Variants in AUTS2 observed in about 807,000 individuals in gnomAD.
AUTS2 encodes activator of transcription and developmental regulator AUTS2.
A neutral mutation model predicts 112.4 loss-of-function variants in AUTS2; 17 were observed. The ratio of observed to expected loss-of-function variants is 0.15; its 90% CI spans 0.10 to 0.23. AUTS2 has a LOEUF of 0.23. Ranked by LOEUF, AUTS2 falls within the 10% of genes least tolerant of loss-of-function variation. The pLI is 1.00. For synonymous variants in AUTS2, 751 were observed against 702.7 expected (o/e 1.07, Z -1.09); for missense variants, 1,510 against 1,701.6 (o/e 0.89, Z 1.98).
intron 5 of AUTS2, among the ~76,000 whole-genome samples, chr7:70,563,010 T>A (rs912025180): frequency 5.3e-5 from 8 of 152,154 alleles, no homozygotes; most frequent in African/African-American, 1.9e-4. Flanking sequence ...CTTTGTGGGA[T>A]CTTTAAGGGT....
At chr7:70,588,650 C>T (rs1446451539) in intron 5 of AUTS2, among the ~76,000 whole-genome samples, 3 of 152,140 alleles carry the variant, frequency 2.0e-5, no homozygotes, top group African/African-American at 7.2e-5. Flanking sequence ...TGCCTTTCAA[C>T]AAGACTGAAT....
At chr7:70,568,625 C>T (rs1801806684) in intron 5 of AUTS2, among the ~76,000 whole-genome samples, 2 of 152,342 alleles carry the variant, frequency 1.3e-5, no homozygotes, top group Non-Finnish European at 2.9e-5. Context: ...TCTCCTTCAT[C>T]TGCAAGGCCC....
chr7:69,599,511 T>G lies in AUTS2; in HGVS notation c.-143T>G. 8.8e-6 allele frequency: 6 copies of G among 683,936 alleles called. No homozygotes were observed. The highest frequency in any genetic ancestry group is 7.5e-5 in the South Asian group (1 of 13,382). The allele number at this position is 683,936 out of a possible 1,614,324, so 42.4% of individuals were successfully genotyped here. ...CTCTTTCTTCCCCTCTCTCCCTTCT[T>G]TCGGCCGCCGTCTCCCCCGCGCCCT... On this transcript the variant is annotated 5_prime_UTR_variant, in exon 1 of 19. Coordinates refer to ENST00000342771, the MANE Select transcript of AUTS2 (RefSeq NM_015570.4). The surrounding 1 kb of genome is among the most constrained non-coding windows in gnomAD (Gnocchi z 7.0).
intron 5 of AUTS2, chr7:70,436,005 A>G (rs1408086361): frequency 1.4e-5 from 6 of 440,080 alleles, no homozygotes; most frequent in African/African-American, 5.9e-5. Context: ...AATATTGCAT[A>G]TATGTGACAC....
chr7:69,747,286 T>C (rs1787536270), intron 1 of AUTS2, among the ~76,000 whole-genome samples: 1 of 152,220 alleles, frequency 6.6e-6, no homozygotes, highest in South Asian at 2.1e-4. Flanking sequence ...AAGTTACCTT[T>C]GTGTACTTCT....
chr7:70,181,359 A>G (rs575441633), intron 4 of AUTS2, among the ~76,000 whole-genome samples: 1 of 152,210 alleles, frequency 6.6e-6, no homozygotes, highest in South Asian at 2.1e-4. Context: ...AACAAGTCGT[A>G]TCTTGAAGCC....
At chr7:70,402,060 G>T (rs1794348533) in intron 4 of AUTS2, among the ~76,000 whole-genome samples, 1 of 152,178 alleles carries the variant, frequency 6.6e-6, no homozygotes, top group South Asian at 2.1e-4. Flanking sequence ...AGTGCTTTGG[G>T]GTCCTTGCTC....
At chr7:70,592,117 T>G (rs1010382615) in intron 5 of AUTS2, among the ~76,000 whole-genome samples, 1 of 152,228 alleles carries the variant, frequency 6.6e-6, no homozygotes, top group Non-Finnish European at 1.5e-5. Context: ...ATGTAATACA[T>G]ATTAAGAAAA....
In AUTS2 at chr7:69,930,439, G is replaced by A. The variant is rs535289337; in HGVS notation, c.522+30941G>A. ...TGCCCCAGTTTCATCTCCTGGTATT[G>A]CACCCTGGAAACTCTCCAGACAATA... On this transcript the variant is annotated intron_variant, in intron 2 of 18. Coordinates refer to ENST00000342771, the MANE Select transcript of AUTS2 (RefSeq NM_015570.4). 7.2e-5 allele frequency among the ~76,000 whole-genome samples: 11 copies of A among 152,228 alleles called. No homozygotes were observed. In the East Asian group the frequency reaches 1.7e-3, roughly 24 times the overall value.
chr7:70,756,198 T>G (rs1789186438), intron 6 of AUTS2, among the ~76,000 whole-genome samples: 1 of 152,242 alleles, frequency 6.6e-6, no homozygotes, highest in South Asian at 2.1e-4. Flanking sequence ...AATGGCAATT[T>G]TGTCATGAGA....
intron 5 of AUTS2, among the ~76,000 whole-genome samples, chr7:70,628,353 ATG>A (rs1190202601): frequency 1.6e-4 from 1 of 6,334 alleles, no homozygotes; most frequent in African/African-American, 9.3e-4. Flanking sequence ...ATATATATAT[ATG>A]TATATATATA....
At chr7:70,448,369 G>A (rs1390364789) in intron 5 of AUTS2, among the ~76,000 whole-genome samples, 2 of 152,150 alleles carry the variant, frequency 1.3e-5, no homozygotes, top group Non-Finnish European at 2.9e-5. Context: ...TGCAACAGAA[G>A]AGCCATAGAT....
chr7:70,030,447 C>G (rs1374042775), intron 2 of AUTS2, among the ~76,000 whole-genome samples: 1 of 152,112 alleles, frequency 6.6e-6, no homozygotes, highest in Non-Finnish European at 1.5e-5. Flanking sequence ...AGGGGCAGGC[C>G]AGTTTTCCGC....
chr7:69,657,250 G>T (rs1412683704), intron 1 of AUTS2, among the ~76,000 whole-genome samples: 1 of 152,164 alleles, frequency 6.6e-6, no homozygotes, highest in African/African-American at 2.4e-5. Context: ...ATAAAACCTA[G>T]TGCTGATTAG....
intron 18 of AUTS2, among the ~76,000 whole-genome samples, chr7:70,788,431 G>A (rs551649863): frequency 6.6e-6 from 1 of 152,252 alleles, no homozygotes; most frequent in South Asian, 2.1e-4. Context: ...TTTCCTTCAA[G>A]GCAGTATGAT....
intron 3 of AUTS2, 100 bp from the exon 4 acceptor site, chr7:70,134,436 T>A: frequency 2.2e-6 from 2 of 927,168 alleles, no homozygotes. Flanking sequence ...TGTGATGTGG[T>A]GATGAAAAGC....
intron 1 of AUTS2, among the ~76,000 whole-genome samples, chr7:69,775,719 G>A (rs999565565): frequency 1.3e-5 from 2 of 152,136 alleles, no homozygotes; most frequent in Non-Finnish European, 2.9e-5. Flanking sequence ...TTCAGGGGAA[G>A]GCTGTCTGTG....
intron 5 of AUTS2, among the ~76,000 whole-genome samples, chr7:70,566,699 TA>T (rs1489093615): frequency 6.6e-6 from 1 of 152,144 alleles, no homozygotes; most frequent in African/African-American, 2.4e-5. Context: ...TCAAGGAACT[TA>T]AGGAATACTC....
intron 5 of AUTS2, among the ~76,000 whole-genome samples, chr7:70,547,534 T>C (rs1445997042): frequency 6.6e-6 from 1 of 152,184 alleles, no homozygotes; most frequent in Non-Finnish European, 1.5e-5. Context: ...ATTACAGGCG[T>C]GAGCCACCGT....
Sources: gnomAD v4.1 joint callset for allele counts (sites outside exome capture counted in the v4.1 genomes callset) on GRCh38, gnomAD v4.1.1 for gene constraint, Gnocchi (gnomAD v3.1) non-coding constraint, MANE v1.5 for transcripts, NCBI Gene and HGNC (gene_info 2026-07-23, HGNC 2026-07-21) for gene names.